Variants in SPEF2 observed in about 807,000 individuals in gnomAD.
SPEF2 encodes sperm flagellar and cilia associated 2.
SPEF2 carries 187 observed loss-of-function variants against 224.6 expected under a neutral mutation model. That is an observed-to-expected ratio of 0.83 (90% confidence interval 0.74 to 0.94). SPEF2 has a LOEUF of 0.94. Ranked by LOEUF, SPEF2 falls within the 40% of genes least tolerant of loss-of-function variation. The pLI is 0.00. For missense variants in SPEF2, 2,170 were observed against 2,135.6 expected (o/e 1.02, Z -0.32); for synonymous variants, 715 against 707.3 (o/e 1.01, Z -0.17).
intron 34 of SPEF2, among the ~76,000 whole-genome samples, chr5:35,804,502 C>T (rs1757823915): frequency 6.6e-6 from 1 of 152,168 alleles, no homozygotes; most frequent in East Asian, 1.9e-4. Flanking sequence ...TCCTCTTGCA[C>T]ACGTTTCCCT....
intron 26 of SPEF2, among the ~76,000 whole-genome samples, chr5:35,765,215 T>C (rs1188583843): frequency 6.6e-6 from 1 of 152,194 alleles, no homozygotes; most frequent in Non-Finnish European, 1.5e-5. Context: ...ACTCATATCT[T>C]TTGTCTTTTT....
intron 34 of SPEF2, 29 bp from the exon 35 acceptor site, chr5:35,806,678 C>T: frequency 2.5e-6 from 4 of 1,590,126 alleles, no homozygotes; most frequent in South Asian, 2.3e-5. Context: ...TTCAGTTTAA[C>T]TTCATGTTCT....
At chr5:35,771,929 C>T (rs748247955) in intron 27 of SPEF2, among the ~76,000 whole-genome samples, 173 bp downstream of exon 27, 1 of 151,376 alleles carries the variant, frequency 6.6e-6, no homozygotes, top group Non-Finnish European at 1.5e-5. Context: ...AATCATATTG[C>T]ATACCAAGCC....
chr5:35,765,003 G>A (rs1391871658), intron 26 of SPEF2, among the ~76,000 whole-genome samples: 1 of 152,170 alleles, frequency 6.6e-6, no homozygotes, highest in Admixed American at 6.5e-5. Flanking sequence ...ACTACCTGGA[G>A]AGAAATAGAA....
chr5:35,811,767 C>CTTTTTTTTT (rs1203514196), intron 36 of SPEF2, among the ~76,000 whole-genome samples: 3 of 115,436 alleles, frequency 2.6e-5, no homozygotes, highest in African/African-American at 7.3e-5. Context: ...TTTGCCATTA[C>CTTTTTTTTT]TTTTTTTTTT....
chr5:35,789,367 TCAAA>T, intron 30 of SPEF2: 1 of 703,366 alleles, frequency 1.4e-6, no homozygotes, highest in Non-Finnish European at 2.6e-6. Context: ...TCCAAATGTA[TCAAA>T]CAAGGTGAGA....
chr5:35,719,628 C>CT (rs375651496), intron 20 of SPEF2, among the ~76,000 whole-genome samples: 5,890 of 146,542 alleles, frequency 0.04, 181 homozygotes, highest in African/African-American at 0.075. Flanking sequence ...GCATTAGTGA[C>CT]TTTTTTTTTT....
Position 35,800,109 on chromosome 5 carries a change from T to C in SPEF2, c.4972T>C (p.Phe1658Leu), listed in dbSNP as rs748406243. The change falls in exon 34 of 37, where the codon TTC (phenylalanine) becomes CTC (leucine). Residue 1658 changes from phenylalanine to leucine, a missense_variant. Physicochemically the swap from Phe to Leu is conservative, Grantham distance 22. Transcript: ENST00000356031. ...CAGTGTGGCTGTTGGAACTCATGTC[T>C]TCCAACAAGTCAAAGCTTCCATTCC... ...ALSVAVGTHV[F>L]QQVKASIPSA... 2 of 1,614,118 alleles carry C rather than the reference T, an allele frequency of 1.2e-6. No homozygotes were observed. Among genetic ancestry groups the C allele is most frequent in the Non-Finnish European group, 1.7e-6 (2 of 1,180,020 alleles).
At chr5:35,797,621 A>G (rs1236823302) in intron 33 of SPEF2, among the ~76,000 whole-genome samples, 2 of 152,126 alleles carry the variant, frequency 1.3e-5, no homozygotes, top group Non-Finnish European at 2.9e-5. Flanking sequence ...AGCGATTGGC[A>G]CATAATAAGT....
In SPEF2 at chr5:35,737,893, A is replaced by G. The variant is rs569834459; in HGVS notation, c.3064-2026A>G. Among the ~76,000 whole-genome samples, 6 of 152,210 alleles carry G rather than the reference A, an allele frequency of 3.9e-5. No homozygotes were observed. In the East Asian group the frequency reaches 1.2e-3, roughly 29 times the overall value. On this transcript the variant is annotated intron_variant, in intron 21 of 36. Transcript: ENST00000356031. ...AGCACCTGTTGTTTCCTGACTTTTT[A>G]ATGATTGCCATTCTAACTGGTGTGA...
At chr5:35,786,319 C>G (rs1401631781) in intron 30 of SPEF2, among the ~76,000 whole-genome samples, 3 of 151,962 alleles carry the variant, frequency 2.0e-5, no homozygotes, top group Non-Finnish European at 4.4e-5. Flanking sequence ...TTTAGAATCG[C>G]AAAAATGGGT....
intron 26 of SPEF2, chr5:35,764,787 C>G (rs1325296669): frequency 1.6e-5 from 7 of 447,512 alleles, no homozygotes; most frequent in South Asian, 3.2e-5. Flanking sequence ...ATACAAGCAG[C>G]CTGTGTTTCC....
In SPEF2 at chr5:35,774,011, G is replaced by A. The variant is rs779827573; in HGVS notation, c.4068G>A (p.Leu1356=). The A allele has an allele frequency of 6.2e-7, 1 of 1,611,936 alleles. No homozygotes were observed. Among genetic ancestry groups the A allele is most frequent in the Non-Finnish European group, 8.5e-7 (1 of 1,179,112 alleles). Residue 1356 remains leucine, a synonymous_variant, in exon 28 of 37, where the codon TTG becomes TTA. Coordinates refer to ENST00000356031, the MANE Select transcript of SPEF2 (RefSeq NM_024867.4). ...VKIKEEHLAA[L]QFEEIATQFR... ...TAAAAGAAGAACACCTTGCTGCCTT[G>A]CAATTTGAAGGTAGCGATTGAAACG...
chr5:35,775,312 G>A (rs1753453124), intron 28 of SPEF2, among the ~76,000 whole-genome samples: 1 of 152,110 alleles, frequency 6.6e-6, no homozygotes, highest in South Asian at 2.1e-4. Context: ...GACATGAGGG[G>A]AGTTCCTGAC....
chr5:35,644,563 A>G (rs374644553), intron 4 of SPEF2, 38 bp downstream of exon 4: 40 of 1,506,064 alleles, frequency 2.7e-5, no homozygotes, highest in Non-Finnish European at 3.3e-5. Context: ...TCATTAGTGC[A>G]TAGTATACAG....
intron 10 of SPEF2, among the ~76,000 whole-genome samples, chr5:35,686,648 A>C (rs1252306056): frequency 6.6e-6 from 1 of 152,046 alleles, no homozygotes; most frequent in East Asian, 1.9e-4. Flanking sequence ...GAGAAGTATG[A>C]CTCAATCTTT....
chr5:35,750,228 T>A (rs536141743), intron 23 of SPEF2, among the ~76,000 whole-genome samples: 2 of 152,218 alleles, frequency 1.3e-5, no homozygotes, highest in East Asian at 3.9e-4. Context: ...GTCTTAAACA[T>A]AAGACCTGAA....
intron 8 of SPEF2, among the ~76,000 whole-genome samples, chr5:35,666,740 C>T (rs985032728): frequency 2.6e-5 from 4 of 152,154 alleles, no homozygotes; most frequent in Non-Finnish European, 4.4e-5. Context: ...TGTTTCTCTC[C>T]GATCCCTATT....
chr5:35,790,480 A>C (rs554773199), intron 30 of SPEF2: 2 of 430,844 alleles, frequency 4.6e-6, no homozygotes, highest in Admixed American at 8.0e-5. Flanking sequence ...AAAGTAAAAC[A>C]GTAACTTCTC....
Sources: gnomAD v4.1 joint callset for allele counts (sites outside exome capture counted in the v4.1 genomes callset) on GRCh38, gnomAD v4.1.1 for gene constraint, MANE v1.5 for transcripts, NCBI Gene and HGNC (gene_info 2026-07-23, HGNC 2026-07-21) for gene names.